Variants in CCDC60 observed in about 807,000 individuals in gnomAD.
CCDC60 encodes coiled-coil domain-containing protein 60.
Under a neutral mutation model 63.5 loss-of-function variants are expected in CCDC60, and 54 were observed. That is an observed-to-expected ratio of 0.85 (90% CI 0.68 to 1.07). The LOEUF is 1.07. Among genes scored for constraint, CCDC60 ranks in the 50% least tolerant of loss-of-function variants. The pLI is 0.00. For missense variants in CCDC60, 651 were observed against 684.3 expected (o/e 0.95, Z 0.54); for synonymous variants, 206 against 238.8 (o/e 0.86, Z 1.27).
chr12:119,481,535 T>C (rs778790228), intron 4 of CCDC60, among the ~76,000 whole-genome samples: 28 of 152,140 alleles, frequency 1.8e-4, no homozygotes, highest in Non-Finnish European at 3.7e-4. Context: ...TCTGTCAATG[T>C]CAGATGGGAA....
intron 1 of CCDC60, among the ~76,000 whole-genome samples, chr12:119,404,689 G>T (rs529314854): frequency 2.0e-5 from 3 of 152,314 alleles, no homozygotes; most frequent in African/African-American, 7.2e-5. Context: ...GGACAGGTAG[G>T]TCTGTCAGAG....
intron 5 of CCDC60, among the ~76,000 whole-genome samples, chr12:119,495,746 C>G (rs900819285): frequency 6.6e-6 from 1 of 152,150 alleles, no homozygotes; most frequent in African/African-American, 2.4e-5. Flanking sequence ...TTTCCAGGCA[C>G]TAGTGGGAAT....
chr12:119,448,290 A>G (rs748690254), intron 2 of CCDC60, among the ~76,000 whole-genome samples: 1 of 152,218 alleles, frequency 6.6e-6, no homozygotes, highest in Non-Finnish European at 1.5e-5. Flanking sequence ...TATCTTAAAT[A>G]TAAACAAATT....
chr12:119,373,465 G>T (rs1955918548), intron 1 of CCDC60, among the ~76,000 whole-genome samples: 1 of 152,068 alleles, frequency 6.6e-6, no homozygotes, highest in African/African-American at 2.4e-5. Context: ...TCACAATTGA[G>T]GCACTGTCAA....
chr12:119,433,358 A>G (rs1436378825), intron 2 of CCDC60: 1 of 699,658 alleles, frequency 1.4e-6, no homozygotes, highest in African/African-American at 1.8e-5. Context: ...TAAAGCTGAG[A>G]TTTAACGTTC....
intron 8 of CCDC60, among the ~76,000 whole-genome samples, chr12:119,516,940 T>C (rs1271880679): frequency 6.6e-6 from 1 of 152,168 alleles, no homozygotes; most frequent in African/African-American, 2.4e-5. Context: ...TCAAGGTCAC[T>C]CAGCTAGTGA....
chr12:119,509,828 T>C (rs1952164101), intron 7 of CCDC60, among the ~76,000 whole-genome samples: 1 of 152,200 alleles, frequency 6.6e-6, no homozygotes, highest in Non-Finnish European at 1.5e-5. Flanking sequence ...TTGCCCTAAG[T>C]CACAAAGCTA....
chr12:119,366,069 A>G (rs2136170662), intron 1 of CCDC60, among the ~76,000 whole-genome samples: 1 of 152,362 alleles, frequency 6.6e-6, no homozygotes, highest in East Asian at 1.9e-4. Context: ...ATAGATATAC[A>G]CACATACACA....
chr12:119,512,116 CA>C (rs1337248496), intron 7 of CCDC60, among the ~76,000 whole-genome samples: 2 of 152,160 alleles, frequency 1.3e-5, no homozygotes, highest in Admixed American at 1.3e-4. Context: ...CATTAATATG[CA>C]AAGGTGGATG....
intron 2 of CCDC60, among the ~76,000 whole-genome samples, chr12:119,469,525 G>A (rs1033839386): frequency 1.3e-5 from 2 of 152,138 alleles, no homozygotes; most frequent in African/African-American, 4.8e-5. Flanking sequence ...CTCCCAAAGT[G>A]CTGAGATTAT....
chr12:119,460,976 C>G (rs971369542), intron 2 of CCDC60, among the ~76,000 whole-genome samples: 3 of 152,222 alleles, frequency 2.0e-5, no homozygotes, highest in Non-Finnish European at 4.4e-5. Flanking sequence ...AAACTCAAAG[C>G]CTTAAAGCTT....
chr12:119,413,952 C>T (rs1342186762), intron 1 of CCDC60, among the ~76,000 whole-genome samples: 3 of 152,122 alleles, frequency 2.0e-5, no homozygotes, highest in Non-Finnish European at 4.4e-5. Flanking sequence ...GGGTTCTTTT[C>T]TGGATGTCAG....
chr12:119,375,693 A>G (rs959126033), intron 1 of CCDC60, among the ~76,000 whole-genome samples: 22 of 152,230 alleles, frequency 1.4e-4, no homozygotes, highest in African/African-American at 3.4e-4. Context: ...TGCTCCCTGT[A>G]TATGACAAAG....
chr12:119,357,099 T>TG (rs1460633291), intron 1 of CCDC60, among the ~76,000 whole-genome samples: 3 of 152,166 alleles, frequency 2.0e-5, no homozygotes, highest in Non-Finnish European at 4.4e-5. Flanking sequence ...CATTAAGAGA[T>TG]GGGGGCCTTT....
chr12:119,391,980 G>A (rs1956167883), intron 1 of CCDC60, among the ~76,000 whole-genome samples: 1 of 152,142 alleles, frequency 6.6e-6, no homozygotes, highest in South Asian at 2.1e-4. Context: ...GCAGAGGTCA[G>A]GAGCCAAAAC....
intron 1 of CCDC60, among the ~76,000 whole-genome samples, chr12:119,344,420 C>T (rs1350805668): frequency 6.6e-6 from 1 of 152,164 alleles, no homozygotes; most frequent in Non-Finnish European, 1.5e-5. Context: ...TCATCTATGA[C>T]CTCTGCCTCT....
chr12:119,339,787 G>A (rs535982098), intron 1 of CCDC60, among the ~76,000 whole-genome samples: 13 of 152,276 alleles, frequency 8.5e-5, no homozygotes, highest in African/African-American at 2.9e-4. Context: ...CAGCCGGGGT[G>A]ACAGAGCGAG....
intron 4 of CCDC60, among the ~76,000 whole-genome samples, chr12:119,487,412 C>G (rs1403740500): frequency 6.6e-6 from 1 of 151,978 alleles, no homozygotes; most frequent in Non-Finnish European, 1.5e-5. Context: ...ATTCTCCTGC[C>G]TTAGCCTCCC....
intron 13 of CCDC60, among the ~76,000 whole-genome samples, chr12:119,534,682 T>C (rs570425276): frequency 1.3e-5 from 2 of 152,304 alleles, no homozygotes; most frequent in East Asian, 3.9e-4. Context: ...ATCATGTGGT[T>C]TTTGTCGATG....
Sources: allele counts gnomAD v4.1 joint callset (sites outside exome capture counted in the v4.1 genomes callset), GRCh38; gene constraint gnomAD v4.1.1; transcripts MANE v1.5; gene names NCBI Gene and HGNC (gene_info 2026-07-23, HGNC 2026-07-21).